The following OSBPL9 variants were observed in gnomAD, a reference collection of about 807,000 sequenced individuals.
The protein encoded by OSBPL9 is oxysterol binding protein like 9.
Under a neutral mutation model 106.6 loss-of-function variants are expected in OSBPL9, and 40 were observed. The ratio of observed to expected loss-of-function variants is 0.38; its 90% CI spans 0.29 to 0.49. OSBPL9 has a LOEUF of 0.49. OSBPL9 is among the 20% of genes least tolerant of loss of function. The pLI is 0.97. For missense variants in OSBPL9, 609 were observed against 887.2 expected (o/e 0.69, Z 3.98); for synonymous variants, 269 against 295.4 (o/e 0.91, Z 0.92).
At chr1:51,714,979 A>G (rs1352650776) in intron 4 of OSBPL9, among the ~76,000 whole-genome samples, 1 of 152,228 alleles carries the variant, frequency 6.6e-6, no homozygotes, top group Non-Finnish European at 1.5e-5. Flanking sequence ...CGTCTGCCGT[A>G]CTACACTGAA....
At chr1:51,703,696 G>A (rs1417223686) in intron 3 of OSBPL9, among the ~76,000 whole-genome samples, 2 of 152,166 alleles carry the variant, frequency 1.3e-5, no homozygotes, top group African/African-American at 2.4e-5. Context: ...AGTGGTGAGA[G>A]AGGGCATCCC....
intron 10 of OSBPL9, among the ~76,000 whole-genome samples, chr1:51,761,022 T>C (rs1305333634): frequency 6.6e-6 from 1 of 152,214 alleles, no homozygotes; most frequent in Non-Finnish European, 1.5e-5. Flanking sequence ...CAAACTTGGT[T>C]ACTACGATTT....
chr1:51,770,668 A>G (rs1557844452), intron 12 of OSBPL9, among the ~76,000 whole-genome samples: 1 of 152,218 alleles, frequency 6.6e-6, no homozygotes, highest in African/African-American at 2.4e-5. Flanking sequence ...TGAGGTGGAC[A>G]TTAGTTATAA....
At chr1:51,527,398 T>A in the OSBPL9 span, among the ~76,000 whole-genome samples, 32 of 152,132 alleles carry the variant, frequency 2.1e-4, no homozygotes, top group South Asian at 2.1e-4. Flanking sequence ...TTATCTTTTT[T>A]AAAAAATTTT....
intron 1 of OSBPL9, among the ~76,000 whole-genome samples, chr1:51,590,181 T>A (rs550525129): frequency 6.6e-6 from 1 of 152,240 alleles, no homozygotes; most frequent in Admixed American, 6.5e-5. Flanking sequence ...CTGATTTACA[T>A]TTCAAAAAAG....
intron 3 of OSBPL9, among the ~76,000 whole-genome samples, chr1:51,691,660 C>G (rs2148827037): frequency 6.6e-6 from 1 of 152,076 alleles, no homozygotes; most frequent in Admixed American, 6.5e-5. Context: ...TGTAATAATA[C>G]TTAGCTTAAA....
At chr1:51,661,659 G>A (rs940578135) in intron 2 of OSBPL9, among the ~76,000 whole-genome samples, 1 of 152,136 alleles carries the variant, frequency 6.6e-6, no homozygotes, top group African/African-American at 2.4e-5. Context: ...TAAAAGTGGA[G>A]TTGAAAGAAA....
At chr1:51,548,110 AG>A in the OSBPL9 span, among the ~76,000 whole-genome samples, 2 of 152,144 alleles carry the variant, frequency 1.3e-5, no homozygotes, top group Non-Finnish European at 2.9e-5. Context: ...AATCATCTGG[AG>A]GAGTATGGTT....
intron 1 of OSBPL9, among the ~76,000 whole-genome samples, chr1:51,582,224 A>G (rs552740881): frequency 1.4e-4 from 21 of 152,330 alleles, no homozygotes; most frequent in African/African-American, 4.8e-4. Flanking sequence ...ATTAATTCCA[A>G]AGTCTCACTG....
intron 12 of OSBPL9, among the ~76,000 whole-genome samples, chr1:51,770,960 C>G (rs909988512): frequency 6.6e-5 from 10 of 152,044 alleles, no homozygotes; most frequent in African/African-American, 2.4e-4. Flanking sequence ...AAACTGTAGA[C>G]TTTGAGTGAT....
intron 1 of OSBPL9, among the ~76,000 whole-genome samples, chr1:51,589,380 C>G (rs1356656734): frequency 6.6e-6 from 1 of 152,108 alleles, no homozygotes; most frequent in Non-Finnish European, 1.5e-5. Flanking sequence ...TGAGCCACCA[C>G]GCCTGGCCTA....
At chr1:51,688,644 T>A (rs1350977354) in intron 3 of OSBPL9, among the ~76,000 whole-genome samples, 1 of 152,118 alleles carries the variant, frequency 6.6e-6, no homozygotes, top group African/African-American at 2.4e-5. Flanking sequence ...CTAAAAAAAT[T>A]TTTTAAAAGA....
chr1:51,733,645 G>A (rs945210389), intron 4 of OSBPL9, among the ~76,000 whole-genome samples: 1 of 151,998 alleles, frequency 6.6e-6, no homozygotes, highest in Non-Finnish European at 1.5e-5. Flanking sequence ...TGTGGTGGTG[G>A]GCATCTGTAA....
chr1:51,583,218 TAG>T (rs1645230651), intron 1 of OSBPL9, among the ~76,000 whole-genome samples: 2 of 152,194 alleles, frequency 1.3e-5, no homozygotes, highest in South Asian at 4.2e-4. Flanking sequence ...AAGATTTGAA[TAG>T]AGATTGACAA....
the OSBPL9 span, among the ~76,000 whole-genome samples, chr1:51,520,732 T>A: frequency 2.6e-5 from 4 of 152,122 alleles, no homozygotes; most frequent in Non-Finnish European, 5.9e-5. Flanking sequence ...CCCACCTAAG[T>A]TTTTAGACTA....
rs541013861 is a variant in OSBPL9, at chr1:51,755,493, T to C, written c.544-827T>C. 6.6e-5 allele frequency among the ~76,000 whole-genome samples: 10 copies of C among 152,344 alleles called. No homozygotes were observed. The South Asian group carries it at 2.1e-3, about 32-fold the overall frequency. ...TATGCGTTCAATAGAAACTGTACTT[T>C]GAATTTTGAGTTTTGGTTTTTTCCC... On this transcript the variant is annotated intron_variant, in intron 8 of 23. Transcript: ENST00000428468.
chr1:51,685,264 G>C (rs1003225966), intron 3 of OSBPL9, among the ~76,000 whole-genome samples: 1 of 152,020 alleles, frequency 6.6e-6, no homozygotes, highest in African/African-American at 2.4e-5. Flanking sequence ...CACAATTTCA[G>C]GCAGTTCTCA....
intron 11 of OSBPL9, 103 bp downstream of exon 11, chr1:51,762,074 A>G (rs1557826621): frequency 5.1e-6 from 4 of 782,436 alleles, no homozygotes; most frequent in South Asian, 1.6e-5. Flanking sequence ...AATGTGTTGT[A>G]TATTTTCTGT....
chr1:51,624,068 C>T (rs1644612047), intron 1 of OSBPL9, among the ~76,000 whole-genome samples: 1 of 151,906 alleles, frequency 6.6e-6, no homozygotes, highest in Non-Finnish European at 1.5e-5. Flanking sequence ...AGGCACCCAC[C>T]ACCAGGCCTG....
Sources: gnomAD v4.1 joint callset for allele counts (sites outside exome capture counted in the v4.1 genomes callset) on GRCh38, gnomAD v4.1.1 for gene constraint, MANE v1.5 for transcripts, NCBI Gene and HGNC (gene_info 2026-07-23, HGNC 2026-07-21) for gene names.